NALF1: variants seen among roughly 807,000 people sequenced by gnomAD.
NALF1 encodes family with sequence similarity 155 member A.
A neutral mutation model predicts 48.4 loss-of-function variants in NALF1; 3 were observed. The ratio of observed to expected loss-of-function variants is 0.06; its 90% CI spans 0.03 to 0.16. The LOEUF (loss-of-function observed/expected upper bound fraction) is 0.16, where lower values mean the gene tolerates loss of function less well. Ranked by LOEUF, NALF1 falls within the 10% of genes least tolerant of loss-of-function variation. The pLI is 1.00. For synonymous variants in NALF1, 262 were observed against 245.7 expected, an observed-to-expected ratio of 1.07 and a Z score of -0.62; for missense variants, 526 against 571.5, an observed-to-expected ratio of 0.92 and a Z score of 0.81.
chr13:107,642,061 C>G (rs1594178729), intron 1 of NALF1, among the ~76,000 whole-genome samples: 1 of 152,178 alleles, frequency 6.6e-6, no homozygotes, highest in African/African-American at 2.4e-5. Flanking sequence ...GCAGCATCAA[C>G]TGGCCTGGGA....
intron 1 of NALF1, among the ~76,000 whole-genome samples, chr13:107,411,891 C>T (rs189603409): frequency 6.2e-4 from 94 of 152,154 alleles, no homozygotes; most frequent in Admixed American, 2.3e-3. Context: ...AAGCAGAACA[C>T]GCCCCAGGCT....
rs977025510 is a variant in NALF1, at chr13:107,464,795, C to T, written c.916-254040G>A. 3.3e-5 allele frequency among the ~76,000 whole-genome samples: 5 copies of T among 152,276 alleles called. No individual in the cohort carries two copies. The East Asian group carries it at 9.7e-4, about 29-fold the overall frequency. ...TCGGCCTCCCAAAGTGCTGGAATTA[C>T]AGGCATGAGCCACCACACCCGGCGG... On this transcript the variant is annotated intron_variant, in intron 1 of 2. Transcript: ENST00000375915.
At chr13:107,458,542 A>C (rs1884863723) in intron 1 of NALF1, among the ~76,000 whole-genome samples, 1 of 152,202 alleles carries the variant, frequency 6.6e-6, no homozygotes, top group African/African-American at 2.4e-5. Flanking sequence ...AGCCAAGGGC[A>C]GCAGGTCCTC....
intron 1 of NALF1, among the ~76,000 whole-genome samples, chr13:107,479,431 A>T (rs751149313): frequency 1.3e-5 from 2 of 152,152 alleles, no homozygotes; most frequent in African/African-American, 2.4e-5. Context: ...TATTTCTGTT[A>T]CATATCTATC....
chr13:107,560,940 C>T (rs1460579780), intron 1 of NALF1, among the ~76,000 whole-genome samples: 1 of 152,204 alleles, frequency 6.6e-6, no homozygotes, highest in Non-Finnish European at 1.5e-5. Flanking sequence ...ATACCACCCA[C>T]CATTAACCCC....
At chr13:107,725,820 T>G (rs555398929) in intron 1 of NALF1, among the ~76,000 whole-genome samples, 79 of 152,244 alleles carry the variant, frequency 5.2e-4, no homozygotes, top group African/African-American at 1.9e-3. Context: ...CTGATATGAG[T>G]GGCCATAAAG....
At chr13:107,531,325 A>C (rs1460276951) in intron 1 of NALF1, 2 of 161,258 alleles carry the variant, frequency 1.2e-5, no homozygotes, top group Non-Finnish European at 2.9e-5. Flanking sequence ...TCTTCTTCTG[A>C]GTGTATGGCA....
chr13:107,659,449 C>A (rs1880670894), intron 1 of NALF1, among the ~76,000 whole-genome samples: 1 of 151,982 alleles, frequency 6.6e-6, no homozygotes, highest in Admixed American at 6.6e-5. Flanking sequence ...ATCCCTCAAA[C>A]TAACATTTAC....
chr13:107,852,883 G>A (rs1880352831), intron 1 of NALF1, among the ~76,000 whole-genome samples: 1 of 152,102 alleles, frequency 6.6e-6, no homozygotes, highest in Non-Finnish European at 1.5e-5. Flanking sequence ...TATTATAATC[G>A]GTCAGAGGTA....
At chr13:107,605,593 C>A (rs1369816987) in intron 1 of NALF1, among the ~76,000 whole-genome samples, 2 of 152,088 alleles carry the variant, frequency 1.3e-5, no homozygotes, top group South Asian at 2.1e-4. Context: ...GAAAGCAGAA[C>A]TTTATTCCTA....
intron 1 of NALF1, among the ~76,000 whole-genome samples, chr13:107,250,930 C>T (rs1281419966): frequency 2.0e-5 from 3 of 152,066 alleles, no homozygotes; most frequent in African/African-American, 7.3e-5. Context: ...CCTGCTTCTC[C>T]TTCATCTTCT....
chr13:107,291,031 A>G (rs1566476173), intron 1 of NALF1, among the ~76,000 whole-genome samples: 1 of 151,742 alleles, frequency 6.6e-6, no homozygotes, highest in Admixed American at 6.6e-5. Context: ...TTAGTTGGCT[A>G]AAGCCTACTC....
intron 1 of NALF1, among the ~76,000 whole-genome samples, chr13:107,251,597 C>T (rs1338654808): frequency 6.6e-6 from 1 of 152,136 alleles, no homozygotes; most frequent in Non-Finnish European, 1.5e-5. Context: ...TTTGATGTAG[C>T]TTCAAAGAGA....
intron 1 of NALF1, among the ~76,000 whole-genome samples, chr13:107,530,781 A>G (rs1876602180): frequency 6.6e-6 from 1 of 152,122 alleles, no homozygotes; most frequent in African/African-American, 2.4e-5. Flanking sequence ...ATCATTTGTG[A>G]AAAGCAGCTG....
intron 1 of NALF1, among the ~76,000 whole-genome samples, chr13:107,748,688 T>G (rs917016288): frequency 8.5e-5 from 13 of 152,360 alleles, no homozygotes; most frequent in Non-Finnish European, 1.8e-4. Context: ...ATGTAATGTC[T>G]TGAATATTTA....
chr13:107,449,222 C>T (rs1291997030), intron 1 of NALF1, among the ~76,000 whole-genome samples: 3 of 151,856 alleles, frequency 2.0e-5, no homozygotes, highest in Admixed American at 6.6e-5. Context: ...CCAGCCTGGG[C>T]AACAGGGTGA....
At chr13:107,635,929 TG>T (rs1181674175) in intron 1 of NALF1, among the ~76,000 whole-genome samples, 3 of 152,106 alleles carry the variant, frequency 2.0e-5, no homozygotes, top group African/African-American at 7.2e-5. Flanking sequence ...TCAATAAAAT[TG>T]GGGGATGTTT....
intron 1 of NALF1, among the ~76,000 whole-genome samples, chr13:107,691,986 T>C (rs938157085): frequency 1.3e-5 from 2 of 152,200 alleles, no homozygotes; most frequent in African/African-American, 4.8e-5. Context: ...CATTAATATA[T>C]TGTTCTTGTT....
At chr13:107,537,556 A>G (rs1257820501) in intron 1 of NALF1, among the ~76,000 whole-genome samples, 1 of 152,144 alleles carries the variant, frequency 6.6e-6, no homozygotes, top group African/African-American at 2.4e-5. Context: ...GTCGTCTTAT[A>G]TCGGAATGTG....
Sources: gnomAD v4.1 joint callset for allele counts (sites outside exome capture counted in the v4.1 genomes callset) on GRCh38, gnomAD v4.1.1 for gene constraint, MANE v1.5 for transcripts, NCBI Gene and HGNC (gene_info 2026-07-23, HGNC 2026-07-21) for gene names.